Variants in PDXDC1 observed in about 807,000 individuals in gnomAD.
The protein encoded by PDXDC1 is pyridoxal dependent decarboxylase domain containing 1.
Under a neutral mutation model 100.1 loss-of-function variants are expected in PDXDC1, and 42 were observed. The ratio of observed to expected loss-of-function variants is 0.42; its 90% CI spans 0.33 to 0.54. The LOEUF (loss-of-function observed/expected upper bound fraction) is 0.54, where lower values mean the gene tolerates loss of function less well. PDXDC1 is among the 20% of genes least tolerant of loss of function. The pLI is 0.10. For missense variants in PDXDC1, 636 were observed against 979.2 expected (o/e 0.65, Z 4.68); for synonymous variants, 260 against 371.7 (o/e 0.70, Z 3.46).
At chr16:15,072,517 G>T (rs1189774037) in intron 16 of PDXDC1, among the ~76,000 whole-genome samples, 9 of 152,120 alleles carry the variant, frequency 5.9e-5, no homozygotes, top group Non-Finnish European at 8.8e-5. Flanking sequence ...AGAAGGGAAC[G>T]TGGGCCAGGC....
At chr16:15,127,137 T>C (rs1483293412) in intron 16 of PDXDC1, 19 of 370,298 alleles carry the variant, frequency 5.1e-5, no homozygotes, top group Non-Finnish European at 8.9e-5. Flanking sequence ...TCACTTGCTA[T>C]AGACGTACTG....
At chr16:15,122,351 C>G (rs1332529681) in intron 16 of PDXDC1, among the ~76,000 whole-genome samples, 1 of 146,770 alleles carries the variant, frequency 6.8e-6, no homozygotes, top group African/African-American at 2.5e-5. Context: ...ACTGGGATAA[C>G]AGGTACGCAC....
chr16:15,132,353 G>C (rs1377902640), intron 16 of PDXDC1, among the ~76,000 whole-genome samples: 1 of 20,960 alleles, frequency 4.8e-5, no homozygotes, highest in Non-Finnish European at 1.3e-4. Context: ...GGCTAGGGGA[G>C]GGGGGAGGGG....
chr16:15,079,876 C>A (rs1446999289), intron 16 of PDXDC1: 5 of 1,157,814 alleles, frequency 4.3e-6, no homozygotes, highest in Admixed American at 2.9e-5. Context: ...GGAATACAGG[C>A]GTGAGTCACC....
At chr16:15,023,077 GGCA>G (rs1382733399) in intron 13 of PDXDC1, among the ~76,000 whole-genome samples, 1 of 152,254 alleles carries the variant, frequency 6.6e-6, no homozygotes, top group Non-Finnish European at 1.5e-5. Context: ...CAAGGCCTTG[GGCA>G]CACTCTTCTT....
At chr16:15,122,845 A>AGGGGAGGGGAT (rs2047497628) in intron 16 of PDXDC1, among the ~76,000 whole-genome samples, 1 of 22,348 alleles carries the variant, frequency 4.5e-5, no homozygotes, top group Non-Finnish European at 8.1e-5. Context: ...GGGGAGGGGA[A>AGGGGAGGGGAT]GGGGAGGGGA....
intron 1 of PDXDC1, chr16:14,988,225 C>A: frequency 1.9e-6 from 3 of 1,613,302 alleles, no homozygotes; most frequent in Non-Finnish European, 2.5e-6. Context: ...GTGTCTTGTG[C>A]AAATGGTGGC....
chr16:15,104,851 G>A (rs1353238785), intron 16 of PDXDC1: 6 of 1,512,378 alleles, frequency 4.0e-6, no homozygotes, highest in South Asian at 1.3e-5. Context: ...TGTTGCTGGT[G>A]ATAGATTTTT....
intron 16 of PDXDC1, among the ~76,000 whole-genome samples, chr16:15,109,363 AAATACAAAAATTGGGCTGGGCACGGT>A (rs1362040195): frequency 6.9e-6 from 1 of 145,200 alleles, no homozygotes; most frequent in African/African-American, 2.5e-5. Context: ...TCTCTACTAA[AAATACAAAAATTGGGCTGGGCACGGT>A]GGCTCACGCC....
intron 16 of PDXDC1, among the ~76,000 whole-genome samples, chr16:15,096,257 C>A (rs1184330728): frequency 6.6e-6 from 1 of 151,830 alleles, no homozygotes; most frequent in African/African-American, 2.4e-5. Context: ...TACAGGCATG[C>A]GCCACCATGC....
chr16:15,069,961 G>C (rs770361301), intron 16 of PDXDC1: 3 of 1,455,748 alleles, frequency 2.1e-6, no homozygotes, highest in Non-Finnish European at 2.8e-6. Flanking sequence ...TGCACATGCA[G>C]TTTTCTGAAT....
At chr16:15,065,851 C>A (rs1488154914) in intron 16 of PDXDC1, among the ~76,000 whole-genome samples, 5 of 152,118 alleles carry the variant, frequency 3.3e-5, no homozygotes, top group Non-Finnish European at 2.9e-5. Flanking sequence ...AAGAAATAAG[C>A]CTTTACTGAA....
downstream of PDXDC1, chr16:15,041,793 C>G: frequency 1.3e-6 from 1 of 755,900 alleles, no homozygotes; most frequent in Non-Finnish European, 2.4e-6. Flanking sequence ...CTCCGCCCTA[C>G]AGCCCGCGCC....
At chr16:15,093,131 AGT>A in intron 16 of PDXDC1, among the ~76,000 whole-genome samples, 1 of 151,958 alleles carries the variant, frequency 6.6e-6, no homozygotes. Flanking sequence ...CAGCCTCCTG[AGT>A]AGCTGGGATT....
chr16:15,145,896 G>A, the PDXDC1 span, among the ~76,000 whole-genome samples: 9 of 152,204 alleles, frequency 5.9e-5, no homozygotes, highest in Non-Finnish European at 1.0e-4. Context: ...CTGGGCTGCC[G>A]TGGCCACTGC....
chr16:15,094,893 AGTG>A, intron 16 of PDXDC1: 1 of 152,266 alleles, frequency 6.6e-6, no homozygotes, highest in Non-Finnish European at 1.5e-5. Flanking sequence ...GGTGGAGTGC[AGTG>A]GTGTGATCTC....
At chr16:15,047,145 G>C (rs112908702) in intron 16 of PDXDC1, 2 of 419,954 alleles carry the variant, frequency 4.8e-6, no homozygotes, top group Non-Finnish European at 4.3e-6. Flanking sequence ...TACCACACCC[G>C]GGGGAGAGCA....
intron 16 of PDXDC1, chr16:15,061,092 C>G (rs763216036): frequency 2.6e-5 from 4 of 152,206 alleles, no homozygotes; most frequent in Non-Finnish European, 5.9e-5. Context: ...TATATCCTCT[C>G]TCTCTTCCCT....
At chr16:15,130,738 C>T (rs752505497) in intron 16 of PDXDC1, 6 of 1,430,578 alleles carry the variant, frequency 4.2e-6, no homozygotes, top group Middle Eastern at 2.4e-4. Context: ...GGCCGGGGCT[C>T]CGAGTGCAGG....
Sources: allele counts gnomAD v4.1 joint callset (sites outside exome capture counted in the v4.1 genomes callset), GRCh38; gene constraint gnomAD v4.1.1; transcripts MANE v1.5; gene names NCBI Gene and HGNC (gene_info 2026-07-23, HGNC 2026-07-21).